The following LAMA4 variants were observed in gnomAD, a reference collection of about 807,000 sequenced individuals.
The protein encoded by LAMA4 is laminin subunit alpha 4.
A neutral mutation model predicts 207.1 loss-of-function variants in LAMA4; 127 were observed. The ratio of observed to expected loss-of-function variants is 0.61; its 90% confidence interval spans 0.53 to 0.71. The LOEUF (loss-of-function observed/expected upper bound fraction) is 0.71, where lower values mean the gene tolerates loss of function less well. Ranked by LOEUF, LAMA4 falls within the 30% of genes least tolerant of loss-of-function variation. LAMA4 has a pLI of 0.00. For missense variants in LAMA4, 2,093 were observed against 2,246.5 expected, an observed-to-expected ratio of 0.93 and a Z score of 1.38; for synonymous variants, 761 against 816.0, an observed-to-expected ratio of 0.93 and a Z score of 1.15.
intron 2 of LAMA4, among the ~76,000 whole-genome samples, chr6:112,223,290 A>T (rs1429906580): frequency 6.6e-6 from 1 of 152,222 alleles, no homozygotes; most frequent in Non-Finnish European, 1.5e-5. Context: ...AGGGTTAGCA[A>T]TAAGAATGAG....
chr6:112,173,605 T>C (rs560524138), intron 11 of LAMA4, among the ~76,000 whole-genome samples: 2 of 152,322 alleles, frequency 1.3e-5, no homozygotes, highest in South Asian at 4.1e-4. Context: ...TGGCATTGAC[T>C]GACATCTGAG....
intron 31 of LAMA4, among the ~76,000 whole-genome samples, chr6:112,123,472 C>T (rs1554326670): frequency 6.6e-6 from 1 of 152,124 alleles, no homozygotes; most frequent in Non-Finnish European, 1.5e-5. Flanking sequence ...CAGAACCAAG[C>T]TGTGTGGAAT....
chr6:112,228,404 A>G (rs1437845894), intron 2 of LAMA4, among the ~76,000 whole-genome samples: 6 of 152,212 alleles, frequency 3.9e-5, no homozygotes, highest in African/African-American at 1.4e-4. Flanking sequence ...GACAAAAGGA[A>G]ATGGAAAAAG....
intron 2 of LAMA4, among the ~76,000 whole-genome samples, chr6:112,226,922 G>A (rs1419407000): frequency 1.3e-5 from 2 of 152,110 alleles, no homozygotes; most frequent in Non-Finnish European, 2.9e-5. Context: ...AATATATTGT[G>A]TAGGGATACA....
At chr6:112,119,427 GT>G (rs1778218228) in intron 33 of LAMA4, 116 bp from the exon 34 acceptor site, 2 of 1,164,220 alleles carry the variant, frequency 1.7e-6, no homozygotes, top group Non-Finnish European at 1.3e-6. Context: ...TCTTCAGAAA[GT>G]TTATTTTTAA....
chr6:112,214,053 G>C, intron 3 of LAMA4: 1 of 762,272 alleles, frequency 1.3e-6, no homozygotes, highest in South Asian at 1.4e-5. Context: ...AAAAACCTGG[G>C]TCTTCTCCGT....
At chr6:112,161,684 A>G (rs1554338405) in intron 13 of LAMA4, among the ~76,000 whole-genome samples, 3 of 152,206 alleles carry the variant, frequency 2.0e-5, no homozygotes, top group Admixed American at 1.3e-4. Flanking sequence ...GGAGTAAAAG[A>G]TATTTTGAAT....
Position 112,132,883 on chromosome 6 carries a change from C to G in LAMA4, c.3704G>C (p.Arg1235Pro), listed in dbSNP as rs559725422. 3.7e-6 allele frequency: 6 copies of G among 1,612,644 alleles called. No individual in the cohort carries two copies. Among genetic ancestry groups the G allele is most frequent in the Admixed American group, 3.3e-5 (2 of 59,960 alleles). ...YGCPEDSLIS[R>P]RAYFNGQSFI... ...GCTCTGTCCATTGAAATATGCTCTG[C>G]GAGATATCTGTGTGCCAGAACAAGT... Residue 1235 changes from arginine to proline, a missense_variant, in exon 28 of 39, where the codon CGC (arginine) becomes CCC (proline). Arg to Pro is a moderately radical substitution (Grantham distance 103). Coordinates refer to ENST00000230538, the MANE Select transcript of LAMA4 (RefSeq NM_001105206.3).
intron 4 of LAMA4, among the ~76,000 whole-genome samples, chr6:112,206,483 T>C (rs184547316): frequency 1.3e-5 from 2 of 152,234 alleles, no homozygotes; most frequent in African/African-American, 4.8e-5. Flanking sequence ...TTAAAATGTA[T>C]GTCTCTTTCC....
chr6:112,119,085 G>C, intron 34 of LAMA4, 71 bp downstream of exon 34: 1 of 1,486,868 alleles, frequency 6.7e-7, no homozygotes, highest in African/African-American at 1.4e-5. Context: ...TAATCTGTGA[G>C]ACGAGGGCCT....
chr6:112,158,543 A>G (rs1471134790), intron 14 of LAMA4, among the ~76,000 whole-genome samples, 189 bp downstream of exon 14: 1 of 147,548 alleles, frequency 6.8e-6, no homozygotes, highest in African/African-American at 2.7e-5. Context: ...AGATGGAACA[A>G]CCAACCAACC....
chr6:112,181,471 C>A (rs1242491342), intron 9 of LAMA4, among the ~76,000 whole-genome samples: 1 of 152,148 alleles, frequency 6.6e-6, no homozygotes, highest in Non-Finnish European at 1.5e-5. Context: ...ATGAATCTTC[C>A]ACAAGGCCAC....
intron 2 of LAMA4, among the ~76,000 whole-genome samples, chr6:112,238,287 G>A (rs1786082756): frequency 6.6e-6 from 1 of 152,182 alleles, no homozygotes; most frequent in Admixed American, 6.5e-5. Flanking sequence ...TGCTGAGGTA[G>A]TGTGCACCTT....
chr6:112,253,654 G>A lies in LAMA4; in HGVS notation c.195+302C>T. 7.7e-6 allele frequency: 10 copies of A among 1,302,088 alleles called. No individual in the cohort carries two copies. In the South Asian group the frequency reaches 1.2e-4, roughly 16 times the overall value. The allele number at this position is 1,302,088 out of a possible 1,614,324, so 80.7% of individuals were successfully genotyped here. On this transcript the variant is annotated intron_variant, in intron 2 of 38. Coordinates refer to ENST00000230538, the MANE Select transcript of LAMA4 (RefSeq NM_001105206.3). ...CTACTGGGACACGCAAGTGGCAGAAGTCACCGATGTGCTGCTGCAGTCCCC... is the reference window on the plus strand; with the variant it reads ...CTACTGGGACACGCAAGTGGCAGAAATCACCGATGTGCTGCTGCAGTCCCC...
chr6:112,155,241 T>G (rs1780635386), intron 15 of LAMA4: 5 of 562,862 alleles, frequency 8.9e-6, no homozygotes, highest in Non-Finnish European at 1.6e-5. Flanking sequence ...AATTTTGAGT[T>G]GAAAAAAATA....
intron 32 of LAMA4, chr6:112,121,732 G>C: frequency 2.6e-6 from 1 of 381,920 alleles, no homozygotes. Flanking sequence ...TGAGTCATTT[G>C]AAACTTGCTC....
rs727505356 is a variant in LAMA4 at position 112,115,995 on chromosome 6, TG to T, written c.4982-3del. The T allele has an allele frequency of 4.5e-5, 73 of 1,612,228 alleles. No individual in the cohort carries two copies. Among genetic ancestry groups the T allele is most frequent in the Non-Finnish European group, 6.1e-5 (72 of 1,178,790 alleles). On this transcript the variant is annotated splice_polypyrimidine_tract_variant and splice_region_variant and intron_variant, in intron 35 of 38. Transcript: ENST00000230538. The stretch of plus-strand genomic sequence containing the variant: ...TCAATCCAATATTGAAAGATTCATC[TG>T]TGGAGAGAAACACTATAAACTCCCA...
At chr6:112,226,029 T>A (rs1259076792) in intron 2 of LAMA4, among the ~76,000 whole-genome samples, 1 of 152,192 alleles carries the variant, frequency 6.6e-6, no homozygotes, top group African/African-American at 2.4e-5. Flanking sequence ...TTGTAGAGTT[T>A]ATGCTCTGCC....
chr6:112,234,052 T>C (rs1230398941), intron 2 of LAMA4: 1 of 152,196 alleles, frequency 6.6e-6, no homozygotes, highest in Non-Finnish European at 1.5e-5. Context: ...CAGGATCCCA[T>C]GAGTCACTCT....
Sources: gnomAD v4.1 joint callset for allele counts (sites outside exome capture counted in the v4.1 genomes callset) on GRCh38, gnomAD v4.1.1 for gene constraint, MANE v1.5 for transcripts, NCBI Gene and HGNC (gene_info 2026-07-23, HGNC 2026-07-21) for gene names.